The following COL21A1 variants were observed in gnomAD, a reference collection of about 807,000 sequenced individuals.
COL21A1 encodes collagen type XXI alpha 1 chain.
Under a neutral mutation model 137.9 loss-of-function variants are expected in COL21A1, and 149 were observed. The observed-to-expected ratio is 1.08, with a 90% CI of 0.95 to 1.24. The LOEUF (loss-of-function observed/expected upper bound fraction) is 1.24, where lower values mean the gene tolerates loss of function less well. Ranked by LOEUF, COL21A1 falls within the 50% of genes most tolerant of loss-of-function variation. COL21A1 has a pLI of 0.00. For missense variants in COL21A1, 1,167 were observed against 1,158.4 expected, an observed-to-expected ratio of 1.01 and a Z score of -0.11; for synonymous variants, 456 against 391.5, an observed-to-expected ratio of 1.16 and a Z score of -1.95.
chr6:56,165,527 T>C (rs954564344), intron 7 of COL21A1, among the ~76,000 whole-genome samples: 1 of 152,220 alleles, frequency 6.6e-6, no homozygotes, highest in African/African-American at 2.4e-5. Flanking sequence ...GTATGCACAA[T>C]GAATTCTCAA....
At chr6:56,384,535 T>C (rs1475324410) in intron 1 of COL21A1, among the ~76,000 whole-genome samples, 1 of 152,214 alleles carries the variant, frequency 6.6e-6, no homozygotes, top group East Asian at 1.9e-4. Flanking sequence ...AAAAACTTTT[T>C]CTAAGCCAAA....
At chr6:56,306,060 G>GCCTC (rs529509138) in intron 1 of COL21A1, among the ~76,000 whole-genome samples, 1 of 24,592 alleles carries the variant, frequency 4.1e-5, no homozygotes, top group African/African-American at 5.3e-5. Context: ...TTGAATATTG[G>GCCTC]CACTCTCTTC....
At chr6:56,159,891 T>C (rs1468102734) in intron 9 of COL21A1, among the ~76,000 whole-genome samples, 7 of 152,182 alleles carry the variant, frequency 4.6e-5, no homozygotes, top group Admixed American at 4.6e-4. Context: ...AGATATTTAA[T>C]AATAATGTTT....
chr6:56,164,477 T>A lies in COL21A1; in HGVS notation c.1317A>T (p.Ser439=). The change falls in exon 9 of 30, where the codon TCA becomes TCT. Residue 439 remains serine (S), a synonymous_variant. Transcript: ENST00000244728. ...GAGGACAAATACAGGGAGCTGGAGT[T>A]GAACCTACATCACTGGGACCATTAA... ...ECLNGPSDVG[S]TPAPCICPPG... 1 of 1,589,142 alleles carries A rather than the reference T, an allele frequency of 6.3e-7. No individual in the cohort carries two copies. Among genetic ancestry groups the A allele is most frequent in the Non-Finnish European group, 8.6e-7 (1 of 1,166,610 alleles).
chr6:56,092,766 T>G (rs1768960777), intron 17 of COL21A1, among the ~76,000 whole-genome samples: 1 of 152,192 alleles, frequency 6.6e-6, no homozygotes, highest in Non-Finnish European at 1.5e-5. Context: ...AAAAGCCTAG[T>G]GTACTAGTTT....
chr6:56,229,705 G>T (rs1297919894), intron 1 of COL21A1, among the ~76,000 whole-genome samples: 2 of 151,902 alleles, frequency 1.3e-5, no homozygotes, highest in African/African-American at 4.8e-5. Context: ...AGCTCTGGAG[G>T]TTCTCACACT....
At chr6:56,322,032 C>T (rs757040339) in intron 1 of COL21A1, among the ~76,000 whole-genome samples, 1 of 152,082 alleles carries the variant, frequency 6.6e-6, no homozygotes, top group Non-Finnish European at 1.5e-5. Flanking sequence ...CTGGCAACAA[C>T]CAGCTAAGTG....
chr6:56,179,264 T>C (rs528353604), intron 3 of COL21A1, among the ~76,000 whole-genome samples: 94 of 152,208 alleles, frequency 6.2e-4, no homozygotes, highest in Middle Eastern at 3.4e-3. Context: ...TTTTATTCTT[T>C]GTGCCTTTTT....
intron 22 of COL21A1, among the ~76,000 whole-genome samples, chr6:56,068,516 T>C (rs1217281596): frequency 6.6e-6 from 1 of 151,550 alleles, no homozygotes; most frequent in Non-Finnish European, 1.5e-5. Context: ...TGTCTTTCCT[T>C]GCCAAAATAT....
chr6:56,338,993 T>C (rs373208468), intron 1 of COL21A1, among the ~76,000 whole-genome samples: 1 of 152,174 alleles, frequency 6.6e-6, no homozygotes, highest in Non-Finnish European at 1.5e-5. Flanking sequence ...GTATTTCTTG[T>C]CTCTAGTAGC....
At chr6:56,203,414 A>AAAATCACTTGAGACATCAAG (rs1481065859) in intron 1 of COL21A1, among the ~76,000 whole-genome samples, 1 of 152,248 alleles carries the variant, frequency 6.6e-6, no homozygotes, top group Non-Finnish European at 1.5e-5. Context: ...ATCAAGTGAT[A>AAAATCACTTGAGACATCAAG]TGAATAAAAT....
chr6:56,317,517 C>T (rs950196922), intron 1 of COL21A1, among the ~76,000 whole-genome samples: 4 of 152,084 alleles, frequency 2.6e-5, no homozygotes, highest in African/African-American at 9.7e-5. Flanking sequence ...ATTTCAAAAT[C>T]ATGTAGATGA....
intron 1 of COL21A1, among the ~76,000 whole-genome samples, chr6:56,266,150 T>G (rs979638710): frequency 1.3e-5 from 2 of 152,256 alleles, no homozygotes; most frequent in Non-Finnish European, 2.9e-5. Context: ...AGACAGTGAA[T>G]TAGTGTTATC....
chr6:56,213,143 A>G (rs1452416972), intron 1 of COL21A1, among the ~76,000 whole-genome samples: 1 of 152,146 alleles, frequency 6.6e-6, no homozygotes, highest in African/African-American at 2.4e-5. Flanking sequence ...TGTTTCTACA[A>G]CAAAAGTATC....
At chr6:56,119,913 T>C (rs555264032) in intron 16 of COL21A1, among the ~76,000 whole-genome samples, 1 of 152,208 alleles carries the variant, frequency 6.6e-6, no homozygotes, top group East Asian at 1.9e-4. Context: ...CAAATCAAAA[T>C]TGACTAAAGA....
At chr6:56,216,944 G>C (rs1207240629) in intron 1 of COL21A1, among the ~76,000 whole-genome samples, 1 of 152,016 alleles carries the variant, frequency 6.6e-6, no homozygotes, top group Non-Finnish European at 1.5e-5. Context: ...GACCTGATTA[G>C]ATGTTCCAAA....
intron 6 of COL21A1, among the ~76,000 whole-genome samples, chr6:56,167,404 G>A (rs1445556404): frequency 6.6e-6 from 1 of 152,196 alleles, no homozygotes; most frequent in Non-Finnish European, 1.5e-5. Flanking sequence ...GGCATGGAGT[G>A]TTGTGTGATT....
At chr6:56,380,667 G>A (rs113964420) in intron 1 of COL21A1, among the ~76,000 whole-genome samples, 24 of 152,126 alleles carry the variant, frequency 1.6e-4, no homozygotes, top group African/African-American at 5.5e-4. Flanking sequence ...CCTTTTCATG[G>A]TCTATTTAGT....
At chr6:56,167,219 A>G (rs1003238401) in intron 6 of COL21A1, among the ~76,000 whole-genome samples, 3 of 152,256 alleles carry the variant, frequency 2.0e-5, no homozygotes, top group African/African-American at 7.2e-5. Context: ...ATTTTCTTCC[A>G]GAACTCAGTG....
Sources: gnomAD v4.1 joint callset for allele counts (sites outside exome capture counted in the v4.1 genomes callset) on GRCh38, gnomAD v4.1.1 for gene constraint, MANE v1.5 for transcripts, NCBI Gene and HGNC (gene_info 2026-07-23, HGNC 2026-07-21) for gene names.